Variants in DAB1 observed in about 807,000 individuals in gnomAD.
DAB1 encodes DAB adaptor protein 1, also known as disabled homolog 1.
DAB1 carries 15 observed loss-of-function variants against 64.6 expected under a neutral mutation model. The ratio of observed to expected loss-of-function variants is 0.23; its 90% CI spans 0.16 to 0.36. The LOEUF (loss-of-function observed/expected upper bound fraction) is 0.36. Ranked by LOEUF, DAB1 falls within the 10% of genes least tolerant of loss-of-function variation. DAB1 has a pLI of 1.00. For synonymous variants in DAB1, 235 were observed against 251.9 expected (o/e 0.93, Z 0.64); for missense variants, 596 against 706.7 (o/e 0.84, Z 1.78).
chr1:58,525,991 T>A lies in DAB1; in HGVS notation n.107+1270A>T, dbSNP rs147211236. Among the ~76,000 whole-genome samples, 3 of 152,188 alleles carry A rather than the reference T, an allele frequency of 2.0e-5. No individual in the cohort carries two copies. The South Asian group carries it at 6.2e-4, about 31-fold the overall frequency. On this transcript the variant is annotated intron_variant and non_coding_transcript_variant, in intron 2 of 20. Transcript: ENST00000485760. The stretch of plus-strand genomic sequence containing the variant: ...CATAAACAGTGCTGAGTCTATTAGC[T>A]ATCCATAGGGGAAAAAAAAGATGTT...
intron 4 of DAB1, among the ~76,000 whole-genome samples, chr1:58,300,418 G>A (rs563259760): frequency 1.3e-5 from 2 of 151,556 alleles, no homozygotes; most frequent in East Asian, 2.0e-4. Flanking sequence ...GTAGTGGCGG[G>A]TGCCTGTAAT....
At chr1:57,909,993 A>C (rs1194726719) in intron 5 of DAB1, among the ~76,000 whole-genome samples, 1 of 152,224 alleles carries the variant, frequency 6.6e-6, no homozygotes, top group Non-Finnish European at 1.5e-5. Context: ...CAGATGAGTG[A>C]AGTGTCTCTG....
chr1:57,103,527 G>A (rs139344409), intron 4 of DAB1, among the ~76,000 whole-genome samples: 39 of 152,254 alleles, frequency 2.6e-4, no homozygotes, highest in Non-Finnish European at 4.6e-4. Context: ...AGCAGATCCC[G>A]GGAGTACAGT....
intron 1 of DAB1, among the ~76,000 whole-genome samples, chr1:57,828,019 C>T (rs1206154025): frequency 1.3e-5 from 2 of 152,146 alleles, no homozygotes; most frequent in Non-Finnish European, 2.9e-5. Context: ...GATCTCGGCT[C>T]ACTGCAAGCT....
chr1:57,258,672 G>A (rs988400841), intron 2 of DAB1, among the ~76,000 whole-genome samples: 7 of 152,016 alleles, frequency 4.6e-5, no homozygotes, highest in South Asian at 2.1e-4. Flanking sequence ...GCCCAATTAC[G>A]CAAATGATCC....
chr1:57,860,663 A>C (rs1653973241), intron 1 of DAB1: 1 of 152,204 alleles, frequency 6.6e-6, no homozygotes, highest in African/African-American at 2.4e-5. Flanking sequence ...AAGAAGCCAC[A>C]AAAGTGTCTT....
intron 3 of DAB1, among the ~76,000 whole-genome samples, chr1:57,143,908 TTATGTA>T (rs144195420): frequency 7.9e-5 from 12 of 151,624 alleles, no homozygotes; most frequent in South Asian, 6.2e-4. Flanking sequence ...TTGAAGATGT[TTATGTA>T]TATGTATATG....
At chr1:57,146,516 C>T (rs2100828717) in intron 2 of DAB1, among the ~76,000 whole-genome samples, 1 of 152,036 alleles carries the variant, frequency 6.6e-6, no homozygotes, top group South Asian at 2.1e-4. Context: ...CTGTTTCCCT[C>T]TATCTACAGA....
chr1:58,439,283 T>G (rs1378251918), intron 3 of DAB1, among the ~76,000 whole-genome samples: 1 of 146,198 alleles, frequency 6.8e-6, no homozygotes, highest in African/African-American at 2.6e-5. Context: ...AAGCCTTTCA[T>G]GACTTCCACT....
At chr1:57,271,028 G>C (rs533061112) in intron 2 of DAB1, among the ~76,000 whole-genome samples, 1 of 152,190 alleles carries the variant, frequency 6.6e-6, no homozygotes, top group African/African-American at 2.4e-5. Context: ...AAGTATAAAA[G>C]TTGGAAGACG....
intron 4 of DAB1, among the ~76,000 whole-genome samples, chr1:58,189,972 C>A (rs924966444): frequency 2.0e-5 from 3 of 152,168 alleles, no homozygotes; most frequent in Non-Finnish European, 2.9e-5. Flanking sequence ...TTCCTCACTC[C>A]CTCTTCCCCT....
intron 3 of DAB1, among the ~76,000 whole-genome samples, chr1:58,349,023 C>T (rs1235385956): frequency 3.3e-5 from 5 of 151,910 alleles, no homozygotes; most frequent in Non-Finnish European, 5.9e-5. Flanking sequence ...TGGCTCCCTG[C>T]CTCCGCCTGC....
intron 9 of DAB1, among the ~76,000 whole-genome samples, chr1:57,036,181 C>A (rs1033294726): frequency 1.3e-5 from 2 of 152,110 alleles, no homozygotes; most frequent in South Asian, 4.2e-4. Flanking sequence ...AAATGAAAAT[C>A]TTTCCAATGG....
chr1:58,422,417 AG>A (rs1293322722), intron 3 of DAB1, among the ~76,000 whole-genome samples: 1 of 151,934 alleles, frequency 6.6e-6, no homozygotes, highest in African/African-American at 2.4e-5. Context: ...AATGGCCATG[AG>A]GGTTTTGAGT....
At position 58,131,352 on chromosome 1, in the gene DAB1, C is replaced by T. The variant is rs1653555718; in HGVS notation, n.387+19159G>A. On this transcript the variant is annotated intron_variant and non_coding_transcript_variant, in intron 5 of 20. Transcript: ENST00000485760. ...CTCTCTATTGGTTATTCTAGTTATA[C>T]ATTCTTCTAAATTTTTTTCAAAGTT... Among the ~76,000 whole-genome samples the T allele has an allele frequency of 2.1e-5, 3 of 141,060 alleles. 1 individual carries two copies. The highest frequency in any genetic ancestry group is 5.1e-4 in the South Asian group (2 of 3,942). 92.5% of individuals were successfully genotyped at this position (141,060 alleles called of 152,430 possible).
intron 1 of DAB1, among the ~76,000 whole-genome samples, chr1:57,312,954 C>T (rs1009031920): frequency 3.9e-5 from 6 of 152,120 alleles, no homozygotes; most frequent in East Asian, 1.9e-4. Context: ...AACAAGGTCA[C>T]GGCAGCGCTT....
At chr1:57,604,320 G>C (rs1645609570) in intron 7 of DAB1, among the ~76,000 whole-genome samples, 1 of 151,926 alleles carries the variant, frequency 6.6e-6, no homozygotes, top group African/African-American at 2.4e-5. Context: ...TACTCCATGA[G>C]ATTATGTAGG....
At chr1:58,432,080 G>A (rs988772997) in intron 3 of DAB1, among the ~76,000 whole-genome samples, 71 of 152,270 alleles carry the variant, frequency 4.7e-4, no homozygotes, top group African/African-American at 1.6e-3. Flanking sequence ...CAAGAATGCC[G>A]TCTCCAGGCT....
chr1:58,284,158 T>C (rs1661630354), intron 4 of DAB1, among the ~76,000 whole-genome samples: 1 of 152,250 alleles, frequency 6.6e-6, no homozygotes, highest in Admixed American at 6.5e-5. Flanking sequence ...TACATGGAGT[T>C]GGCTGGATGT....
Sources: allele counts gnomAD v4.1 joint callset (sites outside exome capture counted in the v4.1 genomes callset), GRCh38; gene constraint gnomAD v4.1.1; transcripts MANE v1.5; gene names NCBI Gene and HGNC (gene_info 2026-07-23, HGNC 2026-07-21).